The following GLMN variants were observed in gnomAD, a reference collection of about 807,000 sequenced individuals.
GLMN encodes the protein glomulin, FKBP associated protein, also known as glomulin.
In GLMN, 75 loss-of-function variants were observed where a neutral mutation model predicts 87.8. That is an observed-to-expected ratio of 0.85 (90% CI 0.71 to 1.04). The LOEUF (loss-of-function observed/expected upper bound fraction) is 1.04. GLMN is among the 50% of genes least tolerant of loss of function. The pLI is 0.00. For missense variants in GLMN, 588 were observed against 658.8 expected, an observed-to-expected ratio of 0.89 and a Z score of 1.18; for synonymous variants, 206 against 221.6, an observed-to-expected ratio of 0.93 and a Z score of 0.63.
chr1:92,364,487 C>A, the GLMN span, among the ~76,000 whole-genome samples: 2 of 152,056 alleles, frequency 1.3e-5, no homozygotes, highest in East Asian at 3.9e-4. Flanking sequence ...TCTCCTAAAT[C>A]GTAGACCAAA....
intron 7 of GLMN, among the ~76,000 whole-genome samples, chr1:92,282,660 C>G (rs949582092): frequency 2.0e-5 from 3 of 151,824 alleles, no homozygotes; most frequent in African/African-American, 7.3e-5. Flanking sequence ...CACAAAAAAC[C>G]CTTCAAAAAA....
the GLMN span, chr1:92,323,965 A>G: frequency 6.2e-7 from 1 of 1,614,192 alleles, no homozygotes. Context: ...CCAAGTGTCT[A>G]GGTCAGTGTC....
intron 12 of GLMN, 85 bp from the exon 13 acceptor site, chr1:92,266,577 A>G (rs1042590537): frequency 5.0e-6 from 5 of 1,006,730 alleles, no homozygotes; most frequent in Non-Finnish European, 7.8e-6. Flanking sequence ...CATGTAATAC[A>G]TCCACACTTG....
In GLMN at chr1:92,298,024, TA is replaced by T; in HGVS notation, c.-26del. The T allele has an allele frequency of 1.4e-6, 2 of 1,399,486 alleles. No homozygotes were observed. Among genetic ancestry groups the T allele is most frequent in the East Asian group, 2.3e-5 (1 of 43,774 alleles). The allele number at this position is 1,399,486 out of a possible 1,614,324, so 86.7% of individuals were successfully genotyped here. ...TTCTTATTTCTCCTAGTTTCGATGC[TA>T]AAATCTACAAATACAAAACACACTG... On this transcript the variant is annotated 5_prime_UTR_variant, in exon 2 of 19. Coordinates refer to ENST00000370360, the MANE Select transcript of GLMN (RefSeq NM_053274.3).
At chr1:92,268,084 T>C (rs1231244749) in intron 10 of GLMN, 21 bp downstream of exon 10, 2 of 1,451,028 alleles carry the variant, frequency 1.4e-6, no homozygotes, top group Non-Finnish European at 1.9e-6. Flanking sequence ...ATTTAAGTTA[T>C]AATGGGAACA....
chr1:92,274,486 A>G (rs527832049), intron 7 of GLMN, among the ~76,000 whole-genome samples: 14 of 152,104 alleles, frequency 9.2e-5, no homozygotes, highest in Non-Finnish European at 2.1e-4. Context: ...CCTGACATTC[A>G]CTGAAGACTC....
At chr1:92,301,075 C>T (rs901005233), upstream of GLMN, among the ~76,000 whole-genome samples, 3 of 152,172 alleles carry the variant, frequency 2.0e-5, no homozygotes, top group African/African-American at 7.2e-5. Flanking sequence ...CTGAGACCTG[C>T]GTGCTAAGTA....
At chr1:92,274,897 C>G (rs1394336934) in intron 7 of GLMN, among the ~76,000 whole-genome samples, 23 of 152,172 alleles carry the variant, frequency 1.5e-4, no homozygotes, top group Admixed American at 1.4e-3. Flanking sequence ...CCTAACCCCC[C>G]TTCTTTCCCT....
the GLMN span, among the ~76,000 whole-genome samples, chr1:92,354,368 C>T: frequency 6.6e-6 from 1 of 152,022 alleles, no homozygotes; most frequent in Non-Finnish European, 1.5e-5. Context: ...TACAAGGCAA[C>T]AATGATAAAG....
At chr1:92,316,944 T>G in the GLMN span, among the ~76,000 whole-genome samples, 1 of 152,180 alleles carries the variant, frequency 6.6e-6, no homozygotes, top group East Asian at 1.9e-4. Context: ...TTTAAGATAG[T>G]TAAGATCTAG....
At chr1:92,351,738 C>A in the GLMN span, among the ~76,000 whole-genome samples, 11 of 152,266 alleles carry the variant, frequency 7.2e-5, no homozygotes, top group South Asian at 2.3e-3. Flanking sequence ...AGAAGGCTAT[C>A]GAGAAGCAGC....
chr1:92,247,386 A>C (rs994106770), intron 17 of GLMN, among the ~76,000 whole-genome samples: 1 of 152,226 alleles, frequency 6.6e-6, no homozygotes, highest in East Asian at 1.9e-4. Flanking sequence ...TATAGGATTC[A>C]TGAAACTGTT....
intron 16 of GLMN, among the ~76,000 whole-genome samples, chr1:92,249,194 T>C (rs1653104340): frequency 6.6e-6 from 1 of 151,774 alleles, no homozygotes; most frequent in Non-Finnish European, 1.5e-5. Context: ...AAAGAAAAAA[T>C]GTACAGACGT....
chr1:92,265,489 G>A (rs1185240215), intron 13 of GLMN, among the ~76,000 whole-genome samples: 3 of 152,188 alleles, frequency 2.0e-5, no homozygotes, highest in African/African-American at 7.2e-5. Context: ...AGAATCAAGA[G>A]TGTTGGCTGG....
chr1:92,299,927 CT>C (rs1333279966), upstream of GLMN, among the ~76,000 whole-genome samples: 1 of 152,150 alleles, frequency 6.6e-6, no homozygotes, highest in Admixed American at 6.5e-5. Flanking sequence ...CGATTTCATC[CT>C]TGTGTGACCA....
At chr1:92,264,019 A>G (rs1009211099) in intron 14 of GLMN, among the ~76,000 whole-genome samples, 28 of 152,172 alleles carry the variant, frequency 1.8e-4, no homozygotes, top group African/African-American at 6.5e-4. Flanking sequence ...ATAAGCCACA[A>G]TATCAGCTCA....
the GLMN span, among the ~76,000 whole-genome samples, chr1:92,306,207 T>C: frequency 1.8e-4 from 28 of 152,224 alleles, no homozygotes; most frequent in Non-Finnish European, 1.8e-4. Context: ...AGAATGATCA[T>C]CAAGAGAGGT....
the GLMN span, among the ~76,000 whole-genome samples, chr1:92,348,450 A>C: frequency 2.6e-5 from 4 of 152,088 alleles, no homozygotes; most frequent in Non-Finnish European, 5.9e-5. Flanking sequence ...GTTTTCTGAT[A>C]ATTCTAACTT....
At chr1:92,268,044 A>G in intron 10 of GLMN, 42 bp from the exon 11 acceptor site, 2 of 1,384,440 alleles carry the variant, frequency 1.4e-6, no homozygotes, top group Non-Finnish European at 2.1e-6. Flanking sequence ...TAGTGAAGTC[A>G]ACAGCTGTTA....
Sources: allele counts gnomAD v4.1 joint callset (sites outside exome capture counted in the v4.1 genomes callset), GRCh38; gene constraint gnomAD v4.1.1; transcripts MANE v1.5; gene names NCBI Gene and HGNC (gene_info 2026-07-23, HGNC 2026-07-21).